TDRD12: variants seen among roughly 807,000 people sequenced by gnomAD.
TDRD12 encodes the protein putative ATP-dependent RNA helicase TDRD12.
In TDRD12, 158 loss-of-function variants were observed where a neutral mutation model predicts 133.5. That is an observed-to-expected ratio of 1.18 (90% CI 1.04 to 1.35). TDRD12 has a LOEUF of 1.35. TDRD12 is among the 40% of genes most tolerant of loss of function. The pLI is 0.00. For synonymous variants in TDRD12, 460 were observed against 477.9 expected (o/e 0.96, Z 0.49); for missense variants, 1,443 against 1,321.3 (o/e 1.09, Z -1.43).
chr19:32,767,760 T>C (rs566055919), intron 8 of TDRD12, among the ~76,000 whole-genome samples: 2 of 152,296 alleles, frequency 1.3e-5, no homozygotes, highest in East Asian at 1.9e-4. Context: ...CAGAATGTTC[T>C]TGTGCAGCCA....
At position 32,731,479 on chromosome 19, in the gene TDRD12, T is replaced by C. The variant is rs570834301; in HGVS notation, c.25-246T>C. On this transcript the variant is annotated intron_variant, in intron 1 of 27. Transcript: ENST00000444215. ...CTTGTGTTTGTATATTACTATGGAT[T>C]TTTCAGAATATGGGAGATTGAGGAC... Among the ~76,000 whole-genome samples the C allele has an allele frequency of 2.0e-5, 3 of 152,114 alleles. No individual in the cohort carries two copies. The South Asian group carries it at 6.2e-4, about 31-fold the overall frequency.
intron 8 of TDRD12, among the ~76,000 whole-genome samples, chr19:32,765,713 G>A (rs1453385320): frequency 6.6e-5 from 8 of 121,096 alleles, no homozygotes; most frequent in Admixed American, 5.0e-4. Flanking sequence ...ACAGGAAGGG[G>A]AACATCACAC....
intron 2 of TDRD12, among the ~76,000 whole-genome samples, chr19:32,732,585 G>A (rs770599320): frequency 6.6e-6 from 1 of 152,160 alleles, no homozygotes; most frequent in Non-Finnish European, 1.5e-5. Flanking sequence ...ACTCCACGCC[G>A]TGGCCCCTCC....
At chr19:32,773,351 G>C in intron 9 of TDRD12, 105 bp from the exon 10 acceptor site, 1 of 975,044 alleles carries the variant, frequency 1.0e-6, no homozygotes. Context: ...AGATGTCTGG[G>C]ATGGTTGTTC....
rs558984599 is a variant in TDRD12, at chr19:32,777,328, G to A, written c.1121+99G>A. 35 of 798,836 alleles carry A rather than the reference G, an allele frequency of 4.4e-5. No homozygotes were observed. The South Asian group carries it at 7.0e-4, about 16-fold the overall frequency. 49.5% of individuals were successfully genotyped at this position (798,836 alleles called of 1,614,324 possible). A position where few individuals can be genotyped will look rare whatever the true frequency, so the allele number is the denominator to read the frequency against. ...ACATTTTATTATTAATTTCAAACCTGCATTCCCATCAAAAAATAAATGTAC... is the reference window on the plus strand; with the variant it reads ...ACATTTTATTATTAATTTCAAACCTACATTCCCATCAAAAAATAAATGTAC... On this transcript the variant is annotated intron_variant, in intron 11 of 27. Coordinates refer to ENST00000444215, the Ensembl canonical transcript of TDRD12.
chr19:32,768,177 C>A (rs1417832261), intron 8 of TDRD12, among the ~76,000 whole-genome samples: 5 of 152,100 alleles, frequency 3.3e-5, no homozygotes, highest in Non-Finnish European at 1.5e-5. Context: ...TGGTGCTTTG[C>A]AGAAGGAGTT....
chr19:32,754,669 C>CTTTTTTTTTTTTTTTTTTTTTT (rs35714049), intron 6 of TDRD12, among the ~76,000 whole-genome samples: 1 of 70,072 alleles, frequency 1.4e-5, no homozygotes, highest in Admixed American at 1.9e-4. Flanking sequence ...ATGACTCTAT[C>CTTTTTTTTTTTTTTTTTTTTTT]TTTTTTTTTT....
At chr19:32,797,050 G>A (rs1016419768) in intron 14 of TDRD12, among the ~76,000 whole-genome samples, 2 of 149,120 alleles carry the variant, frequency 1.3e-5, no homozygotes, top group Admixed American at 1.4e-4. Flanking sequence ...GCTCCATCTC[G>A]GCTCACTGCA....
chr19:32,742,701 TAATAA>T (rs1402989929), intron 3 of TDRD12, 75 bp from the exon 4 acceptor site: 3 of 1,359,814 alleles, frequency 2.2e-6, no homozygotes, highest in Non-Finnish European at 3.0e-6. Flanking sequence ...TTAAGTGTAT[TAATAA>T]AATAGGTATA....
chr19:32,805,193 A>C (rs903632741), intron 21 of TDRD12, among the ~76,000 whole-genome samples: 5 of 33,722 alleles, frequency 1.5e-4, no homozygotes, highest in African/African-American at 7.0e-4. Flanking sequence ...TATATAATAT[A>C]TATATACACA....
intron 13 of TDRD12, among the ~76,000 whole-genome samples, chr19:32,793,243 C>A (rs1409119720): frequency 6.6e-6 from 1 of 151,944 alleles, no homozygotes; most frequent in African/African-American, 2.4e-5. Context: ...AACCAGAGGT[C>A]CTTACTCAAA....
At chr19:32,803,253 G>A in intron 21 of TDRD12, 111 bp downstream of exon 21, 1 of 813,240 alleles carries the variant, frequency 1.2e-6, no homozygotes, top group East Asian at 2.7e-5. Context: ...CCCACTCTGA[G>A]GGAGCAGTCT....
exon 11 of TDRD12, chr19:32,777,215 G>T (rs776055194): frequency 6.5e-7 from 1 of 1,535,940 alleles, no homozygotes; most frequent in South Asian, 1.2e-5. Context: ...ATGATGAGAA[G>T]AATAGCTGTG....
At chr19:32,811,891 A>G (rs531613120) in intron 24 of TDRD12, among the ~76,000 whole-genome samples, 32 of 152,228 alleles carry the variant, frequency 2.1e-4, no homozygotes, top group African/African-American at 7.7e-4. Flanking sequence ...GCAAATCAAA[A>G]AACAGAAAAA....
chr19:32,781,763 G>A (rs985473405), intron 11 of TDRD12, among the ~76,000 whole-genome samples: 1 of 151,214 alleles, frequency 6.6e-6, no homozygotes, highest in East Asian at 1.9e-4. Flanking sequence ...GTTTCCTGAT[G>A]TTGTGCCTTG....
chr19:32,817,841 C>T (rs946282985), intron 26 of TDRD12, among the ~76,000 whole-genome samples: 1 of 149,846 alleles, frequency 6.7e-6, no homozygotes, highest in African/African-American at 2.5e-5. Flanking sequence ...TCTAAATGGC[C>T]CGTACACACG....
Position 32,791,151 on chromosome 19 carries a change from G to A in TDRD12, c.1287+83G>A, listed in dbSNP as rs570597891. On this transcript the variant is annotated intron_variant, in intron 13 of 27. Transcript: ENST00000444215. ...GGATTTTGAAATAAATGGCTCTAAG[G>A]TTGCATTGTATAATTTCTTTGCTTT... 84 of 1,366,256 alleles carry A rather than the reference G, an allele frequency of 6.1e-5. No homozygotes were observed. The South Asian group carries it at 1.2e-3, about 20-fold the overall frequency. The allele number at this position is 1,366,256 out of a possible 1,614,324, so 84.6% of individuals were successfully genotyped here.
intron 7 of TDRD12, 39 bp downstream of exon 7, chr19:32,756,220 T>C: frequency 5.1e-6 from 7 of 1,374,530 alleles, no homozygotes; most frequent in Non-Finnish European, 6.6e-6. Flanking sequence ...CCTTACATTG[T>C]TTTATTAATA....
exon 14 of TDRD12, chr19:32,794,710 T>G (rs547896777): frequency 1.4e-6 from 1 of 703,244 alleles, no homozygotes; most frequent in South Asian, 1.5e-5. Context: ...TGTGATGTGG[T>G]TGTCATTTCT....
Sources: gnomAD v4.1 joint callset for allele counts (sites outside exome capture counted in the v4.1 genomes callset) on GRCh38, gnomAD v4.1.1 for gene constraint, MANE v1.5 for transcripts, NCBI Gene and HGNC (gene_info 2026-07-23, HGNC 2026-07-21) for gene names.